The following ZNF469 variants were observed in gnomAD, a reference collection of about 807,000 sequenced individuals.
The protein encoded by ZNF469 is zinc finger protein 469.
ZNF469 carries 1 observed loss-of-function variant against 1.0 expected under a neutral mutation model. That is an observed-to-expected ratio of 1.00 (90% CI 0.35 to 4.73). The LOEUF (loss-of-function observed/expected upper bound fraction) is 4.73. ZNF469 is among the 30% of genes most tolerant of loss of function. ZNF469 has a pLI of 0.16. For missense variants in ZNF469, 6,100 were observed against 5,356.3 expected (o/e 1.14, Z -4.33); for synonymous variants, 2,703 against 2,363.4 (o/e 1.14, Z -4.17).
chr16:88,346,353 A>C, the ZNF469 span, among the ~76,000 whole-genome samples: 6 of 152,046 alleles, frequency 3.9e-5, no homozygotes, highest in Non-Finnish European at 4.4e-5. Context: ...TAATCACCAA[A>C]ACAGACCCCG....
the ZNF469 span, among the ~76,000 whole-genome samples, chr16:88,126,493 C>T: frequency 8.8e-3 from 1,303 of 148,586 alleles, 16 homozygotes; most frequent in African/African-American, 0.03. Flanking sequence ...AGATTTTAAT[C>T]ATAACTGGAT....
chr16:88,354,591 A>G, the ZNF469 span, among the ~76,000 whole-genome samples: 1 of 150,730 alleles, frequency 6.6e-6, no homozygotes, highest in Non-Finnish European at 1.5e-5. Context: ...TTAAGGATGA[A>G]ATAAGAGGGT....
the ZNF469 span, among the ~76,000 whole-genome samples, chr16:88,228,062 G>T: frequency 1.3e-5 from 2 of 152,232 alleles, no homozygotes; most frequent in Non-Finnish European, 2.9e-5. Flanking sequence ...GACACCCACC[G>T]TTGCATTTAG....
In ZNF469 at chr16:88,433,975, TCTC is replaced by T; in HGVS notation, c.6508_6510del (p.Pro2170del). ...CGGCCCCCAGCAGCTGCTGGCCTGT[TCTC>T]CTGCCTGGGCACCTCTGGAAGAGGC... On this transcript the variant is annotated inframe_deletion, in exon 3 of 3. Coordinates refer to ENST00000565624, the MANE Select transcript of ZNF469 (RefSeq NM_001367624.2). 6.5e-7 allele frequency: 1 copy of T among 1,550,174 alleles called. No homozygotes were observed. The highest frequency in any genetic ancestry group is 8.7e-7 in the Non-Finnish European group (1 of 1,146,884).
the ZNF469 span, among the ~76,000 whole-genome samples, chr16:88,203,097 G>A: frequency 6.6e-6 from 1 of 152,132 alleles, no homozygotes; most frequent in East Asian, 1.9e-4. Flanking sequence ...GAGCAGGAAG[G>A]GCAGAAGGGC....
chr16:88,401,300 G>A (rs1904845272), intron 1 of ZNF469, among the ~76,000 whole-genome samples: 1 of 152,244 alleles, frequency 6.6e-6, no homozygotes, highest in Non-Finnish European at 1.5e-5. Flanking sequence ...GGTTGAGGCT[G>A]GGCAGTGGGG....
chr16:88,311,727 G>A, the ZNF469 span, among the ~76,000 whole-genome samples: 15 of 152,320 alleles, frequency 9.8e-5, no homozygotes, highest in African/African-American at 3.4e-4. Flanking sequence ...TAGATTTCTG[G>A]GAGGCCACAC....
At chr16:88,395,510 T>C (rs1904634439) in intron 1 of ZNF469, among the ~76,000 whole-genome samples, 1 of 152,134 alleles carries the variant, frequency 6.6e-6, no homozygotes, top group Admixed American at 6.5e-5. Context: ...CAAATATAAA[T>C]TATATAACTG....
chr16:88,247,553 T>C, the ZNF469 span, among the ~76,000 whole-genome samples: 1 of 149,934 alleles, frequency 6.7e-6, no homozygotes, highest in Non-Finnish European at 1.5e-5. Flanking sequence ...AGTGAATGAA[T>C]GAGTGACTGA....
chr16:88,310,754 A>G, the ZNF469 span, among the ~76,000 whole-genome samples: 2 of 151,986 alleles, frequency 1.3e-5, no homozygotes, highest in Non-Finnish European at 2.9e-5. Flanking sequence ...TAATCTTAGT[A>G]TTTTTAGTAG....
chr16:88,305,701 T>C, the ZNF469 span, among the ~76,000 whole-genome samples: 8 of 152,038 alleles, frequency 5.3e-5, no homozygotes, highest in Non-Finnish European at 1.2e-4. Context: ...CGCATGACCA[T>C]ACATGCATAC....
chr16:88,185,861 G>A, the ZNF469 span, among the ~76,000 whole-genome samples: 3 of 149,072 alleles, frequency 2.0e-5, no homozygotes, highest in Admixed American at 2.0e-4. Context: ...ACAGTCACAC[G>A]TGAATATAGT....
chr16:88,254,588 T>C, the ZNF469 span, among the ~76,000 whole-genome samples: 2 of 152,014 alleles, frequency 1.3e-5, no homozygotes, highest in Non-Finnish European at 2.9e-5. Flanking sequence ...TGAAACCCCG[T>C]CTCTACTAAA....
chr16:88,247,616 TTGA>T, the ZNF469 span, among the ~76,000 whole-genome samples: 1 of 78,416 alleles, frequency 1.3e-5, no homozygotes, highest in South Asian at 7.1e-4. Context: ...GAGTGAATGT[TTGA>T]TTGAATGAGT....
At chr16:88,375,298 G>T in the ZNF469 span, among the ~76,000 whole-genome samples, 445 of 152,348 alleles carry the variant, frequency 2.9e-3, 4 homozygotes, top group African/African-American at 0.01. Flanking sequence ...TCAGCACAAG[G>T]ATGGGGAAAC....
chr16:88,439,227 A>T lies in ZNF469; in HGVS notation c.11757A>T (p.Pro3919=). ...TAVHGAEPAE[P]HTHRTAEAQS... is the part of the protein sequence containing the mutation. Reference sequence around the variant, plus strand: ...TCCACGGTGCTGAACCTGCCGAGCCACACACCCACCGGACGGCCGAGGCCC... The same window carrying T: ...TCCACGGTGCTGAACCTGCCGAGCCTCACACCCACCGGACGGCCGAGGCCC... Residue 3919 remains proline (P), a synonymous_variant, in exon 3 of 3, where the codon CCA becomes CCT. Transcript: ENST00000565624. The T allele has an allele frequency of 4.5e-6, 7 of 1,550,380 alleles. No individual in the cohort carries two copies. The highest frequency in any genetic ancestry group is 5.2e-6 in the Non-Finnish European group (6 of 1,146,968).
chr16:88,112,362 T>C, the ZNF469 span, among the ~76,000 whole-genome samples: 1 of 152,250 alleles, frequency 6.6e-6, no homozygotes, highest in Non-Finnish European at 1.5e-5. Flanking sequence ...ACCGCCAAAC[T>C]GTTCTCCACA....
chr16:88,291,300 G>A, the ZNF469 span, among the ~76,000 whole-genome samples: 2 of 152,200 alleles, frequency 1.3e-5, no homozygotes, highest in Non-Finnish European at 2.9e-5. Context: ...CTCGGCTGCT[G>A]CACATTGGTC....
the ZNF469 span, among the ~76,000 whole-genome samples, chr16:88,109,489 A>G: frequency 2.4e-4 from 35 of 145,616 alleles, no homozygotes; most frequent in East Asian, 1.1e-3. Context: ...TCTCCTCTCC[A>G]GGATCAGGAG....
Sources: allele counts gnomAD v4.1 joint callset (sites outside exome capture counted in the v4.1 genomes callset), GRCh38; gene constraint gnomAD v4.1.1; transcripts MANE v1.5; gene names NCBI Gene and HGNC (gene_info 2026-07-23, HGNC 2026-07-21).